Variants in NUP160 observed in about 807,000 individuals in gnomAD.
NUP160 encodes the protein nucleoporin 160, also known as nuclear pore complex protein Nup160.
A neutral mutation model predicts 196.9 loss-of-function variants in NUP160; 94 were observed. That is an observed-to-expected ratio of 0.48 (90% CI 0.40 to 0.57). NUP160 has a LOEUF of 0.57. Among genes scored for constraint, NUP160 ranks in the 20% least tolerant of loss-of-function variants. The pLI is 0.00. For missense variants in NUP160, 1,638 were observed against 1,748.3 expected, an observed-to-expected ratio of 0.94 and a Z score of 1.13; for synonymous variants, 605 against 619.7, an observed-to-expected ratio of 0.98 and a Z score of 0.35.
chr11:47,822,068 A>G lies in NUP160; in HGVS notation c.1179+19T>C. The G allele has an allele frequency of 6.5e-7, 1 of 1,529,930 alleles. No homozygotes were observed. Among genetic ancestry groups the G allele is most frequent in the Non-Finnish European group, 9.0e-7 (1 of 1,107,062 alleles). 94.8% of individuals were successfully genotyped at this position (1,529,930 alleles called of 1,614,324 possible). A position where few individuals can be genotyped will look rare whatever the true frequency, so the allele number is the denominator to read the frequency against. ...TTTTTCTTGTACTTATGTGATATGC[A>G]AAGGATGAATCAACCTACCTGAGAA... On this transcript the variant is annotated intron_variant, in intron 8 of 35. Coordinates refer to ENST00000378460, the Ensembl canonical transcript of NUP160.
chr11:47,840,558 C>T (rs1349007904), exon 3 of NUP160: 6 of 1,611,562 alleles, frequency 3.7e-6, no homozygotes, highest in South Asian at 2.2e-5. Flanking sequence ...GTGACTCCTC[C>T]ATCAGCTCCA....
intron 34 of NUP160, among the ~76,000 whole-genome samples, chr11:47,781,730 T>TA (rs2097660964): frequency 6.6e-6 from 1 of 152,196 alleles, no homozygotes; most frequent in African/African-American, 2.4e-5. Flanking sequence ...AAGGATTAAA[T>TA]AAAAAAATGC....
rs947335357 is a variant in NUP160 at position 47,835,782 on chromosome 11, T to C, written c.970A>G (p.Met324Val). Residue 324 changes from methionine (M) to valine (V), a missense_variant, in exon 7 of 36, where the codon ATG (methionine) becomes GTG (valine). Met to Val is a conservative substitution (Grantham distance 21, BLOSUM62 1). Around this residue, in one of 3 missense-constraint regions of NUP160, gnomAD observed 1,345 missense variants for 1,470.2 expected, o/e 0.91. Transcript: ENST00000378460. Reference sequence around the variant, plus strand: ...TTCTTCACAGGGACATACTCCAGCATGTCAGCTACCATTAGGCACATTTGC... The same window carrying C: ...TTCTTCACAGGGACATACTCCAGCACGTCAGCTACCATTAGGCACATTTGC... 3 of 1,597,628 alleles carry C rather than the reference T, an allele frequency of 1.9e-6. No individual in the cohort carries two copies. The South Asian group carries it at 3.4e-5, about 18-fold the overall frequency.
chr11:47,787,627 T>G (rs966985232), intron 31 of NUP160, among the ~76,000 whole-genome samples: 5 of 151,972 alleles, frequency 3.3e-5, no homozygotes, highest in African/African-American at 4.8e-5. Flanking sequence ...TTTCACCATG[T>G]TGGCCAGGCT....
intron 17 of NUP160, among the ~76,000 whole-genome samples, chr11:47,809,082 CAG>C (rs529577080): frequency 6.0e-4 from 91 of 151,036 alleles, no homozygotes; most frequent in African/African-American, 2.1e-3. Context: ...GCCTGGGTGA[CAG>C]AGCAAGACTC....
At chr11:47,820,638 G>A (rs774697534) in intron 9 of NUP160, among the ~76,000 whole-genome samples, 3 of 152,014 alleles carry the variant, frequency 2.0e-5, no homozygotes, top group Admixed American at 1.3e-4. Flanking sequence ...TGCAACCTCC[G>A]TCTCCTGGGT....
chr11:47,825,584 T>C (rs1467023874), intron 7 of NUP160, among the ~76,000 whole-genome samples: 3 of 151,510 alleles, frequency 2.0e-5, no homozygotes, highest in Non-Finnish European at 4.4e-5. Context: ...TCGCGAGTAG[T>C]TGGGATTTAC....
intron 27 of NUP160, among the ~76,000 whole-genome samples, chr11:47,797,011 C>A (rs1251969717): frequency 6.6e-6 from 1 of 152,010 alleles, no homozygotes; most frequent in African/African-American, 2.4e-5. Flanking sequence ...AAATTTTAGT[C>A]CCCTCTTTAA....
chr11:47,820,654 A>G (rs1021549359), intron 9 of NUP160, among the ~76,000 whole-genome samples: 7 of 152,030 alleles, frequency 4.6e-5, no homozygotes, highest in Admixed American at 1.3e-4. Flanking sequence ...TGGGTTCAAG[A>G]GATTCTCCTG....
intron 20 of NUP160, among the ~76,000 whole-genome samples, chr11:47,805,557 G>A (rs2097677038): frequency 1.3e-5 from 2 of 148,792 alleles, no homozygotes; most frequent in Non-Finnish European, 3.0e-5. Context: ...CCATTCTCCT[G>A]CCTCAGCTTC....
Position 47,798,353 on chromosome 11 carries a change from G to T in NUP160, c.2991+15C>A. On this transcript the variant is annotated intron_variant, in intron 24 of 35. Transcript: ENST00000378460. ...AAACCTTAAAGAAAACAACCAAATT[G>T]CAGCCAATTCTTACCTGACTTTTCC... is the stretch of plus-strand genomic sequence containing the variant. The T allele has an allele frequency of 1.3e-6, 2 of 1,582,396 alleles. No homozygotes were observed. The highest frequency in any genetic ancestry group is 1.7e-6 in the Non-Finnish European group (2 of 1,151,958).
chr11:47,806,287 C>T, exon 20 of NUP160: 5 of 1,613,658 alleles, frequency 3.1e-6, no homozygotes, highest in Non-Finnish European at 4.2e-6. Context: ...GGAAGAATAA[C>T]TCCACAATAG....
At chr11:47,798,462 A>G in exon 24 of NUP160, 1 of 1,532,504 alleles carries the variant, frequency 6.5e-7, no homozygotes, top group Non-Finnish European at 9.0e-7. Flanking sequence ...TAGTCGTAAA[A>G]CCTAACGAGA....
chr11:47,835,883 G>T, intron 6 of NUP160, 74 bp from the exon 7 acceptor site: 1 of 1,180,550 alleles, frequency 8.5e-7, no homozygotes, highest in Non-Finnish European at 1.2e-6. Flanking sequence ...TTGAAAGGAT[G>T]GACCTTTCAT....
chr11:47,786,820 G>T (rs925358424), intron 31 of NUP160, among the ~76,000 whole-genome samples: 8 of 151,768 alleles, frequency 5.3e-5, no homozygotes, highest in Non-Finnish European at 7.4e-5. Context: ...ATGGAGTCTT[G>T]CTCTGTCACC....
At chr11:47,842,631 G>T (rs1852328477) in intron 2 of NUP160, among the ~76,000 whole-genome samples, 1 of 152,100 alleles carries the variant, frequency 6.6e-6, no homozygotes, top group African/African-American at 2.4e-5. Context: ...GCTCACTGCA[G>T]TTGATTTTAG....
rs2097682224 is a variant in NUP160, at chr11:47,813,309, C to A, written c.1786+7G>T. 6.5e-7 allele frequency: 1 copy of A among 1,546,346 alleles called. No individual in the cohort carries two copies. The highest frequency in any genetic ancestry group is 8.9e-7 in the Non-Finnish European group (1 of 1,118,758). On this transcript the variant is annotated splice_region_variant and intron_variant, in intron 14 of 35. Transcript: ENST00000378460. ...GGATTAAATATGGACATAACAATTA[C>A]TATTACCATCAGATATGGTTGTCTC...
At chr11:47,835,313 G>A (rs1852151942) in intron 7 of NUP160, among the ~76,000 whole-genome samples, 1 of 152,088 alleles carries the variant, frequency 6.6e-6, no homozygotes, top group Non-Finnish European at 1.5e-5. Flanking sequence ...CTACTGTCTG[G>A]ATGCTAAGCA....
chr11:47,799,423 G>A (rs1174397806), intron 23 of NUP160, among the ~76,000 whole-genome samples: 1 of 151,850 alleles, frequency 6.6e-6, no homozygotes. Context: ...GTCAACGTCT[G>A]CCCGCTACCC....
Sources: allele counts gnomAD v4.1 joint callset (sites outside exome capture counted in the v4.1 genomes callset), GRCh38; gene constraint gnomAD v4.1.1; regional missense constraint gnomAD v4.1.1; transcripts MANE v1.5; gene names NCBI Gene and HGNC (gene_info 2026-07-23, HGNC 2026-07-21).